CDCA7L: variants seen among roughly 807,000 people sequenced by gnomAD.
CDCA7L encodes the protein cell division cycle associated 7 like, also known as cell division cycle-associated 7-like protein.
In CDCA7L, 44 loss-of-function variants were observed where a neutral mutation model predicts 57.4. The ratio of observed to expected loss-of-function variants is 0.77; its 90% CI spans 0.60 to 0.98. The LOEUF is 0.98. Among genes scored for constraint, CDCA7L ranks in the 50% least tolerant of loss-of-function variants. CDCA7L has a pLI of 0.00. For synonymous variants in CDCA7L, 236 were observed against 202.8 expected (o/e 1.16, Z -1.39); for missense variants, 644 against 580.6 (o/e 1.11, Z -1.12).
intron 1 of CDCA7L, among the ~76,000 whole-genome samples, chr7:21,938,746 T>C (rs116673118): frequency 0.012 from 1,847 of 152,298 alleles, 40 homozygotes; most frequent in African/African-American, 0.042. Flanking sequence ...GTCTTATGCC[T>C]CTAATCCCAG....
In CDCA7L at chr7:21,923,524, G is replaced by C. The variant is rs568919984; in HGVS notation, c.25-6630C>G. On this transcript the variant is annotated intron_variant, in intron 1 of 9. Transcript: ENST00000406877. ...AGAGAAAAAGAAAAAAAGAAAAACCGGGGTAGAGGGGAATTTTTCCTTCCT... is the reference window on the plus strand; with the variant it reads ...AGAGAAAAAGAAAAAAAGAAAAACCCGGGTAGAGGGGAATTTTTCCTTCCT... Among the ~76,000 whole-genome samples, 4 of 152,066 alleles carry C rather than the reference G, an allele frequency of 2.6e-5. 1 individual carries two copies. Among genetic ancestry groups the C allele is most frequent in the Admixed American group, 2.6e-4 (4 of 15,254 alleles).
chr7:21,925,800 T>A (rs537419515), intron 1 of CDCA7L, among the ~76,000 whole-genome samples: 1 of 151,978 alleles, frequency 6.6e-6, no homozygotes, highest in African/African-American at 2.4e-5. Context: ...GGAGGGAGGA[T>A]TGATTGAGCC....
At chr7:21,922,071 C>G (rs375587971) in intron 1 of CDCA7L, among the ~76,000 whole-genome samples, 21 of 152,070 alleles carry the variant, frequency 1.4e-4, no homozygotes, top group African/African-American at 4.8e-4. Context: ...GACTTTGTAG[C>G]CATTTTCTTA....
Position 21,904,711 on chromosome 7 carries a change from T to C in CDCA7L, c.1048-452A>G, listed in dbSNP as rs557002484. Among the ~76,000 whole-genome samples the C allele has an allele frequency of 1.5e-4, 23 of 152,318 alleles. No homozygotes were observed. In the South Asian group the frequency reaches 4.8e-3, roughly 32 times the overall value. On this transcript the variant is annotated intron_variant, in intron 7 of 9. Coordinates refer to ENST00000406877, the MANE Select transcript of CDCA7L (RefSeq NM_018719.5). ...CCCCCAAATCCATGGAAAAACTGTC[T>C]TTCACAAAACCAGTCCCTGGTGCCA... is the stretch of plus-strand genomic sequence containing the variant.
chr7:21,935,105 T>A (rs897033063), intron 1 of CDCA7L, among the ~76,000 whole-genome samples: 2 of 152,172 alleles, frequency 1.3e-5, no homozygotes, highest in African/African-American at 4.8e-5. Context: ...TTTTCTCAAG[T>A]ACTTACAGAA....
rs1273182694 is a variant in CDCA7L at position 21,908,649 on chromosome 7, A to G, written c.304-142T>C. 3 of 923,792 alleles carry G rather than the reference A, an allele frequency of 3.2e-6. No individual in the cohort carries two copies. The East Asian group carries it at 8.6e-5, about 26-fold the overall frequency. 57.2% of individuals were successfully genotyped at this position (923,792 alleles called of 1,614,324 possible). A position where few individuals can be genotyped will look rare whatever the true frequency, so the allele number is the denominator to read the frequency against. ...CCCTTCATATTATGAGTTCCCTCTGAATTTCCTTTAAATGTGCAAGAAATT... is the reference window on the plus strand; with the variant it reads ...CCCTTCATATTATGAGTTCCCTCTGGATTTCCTTTAAATGTGCAAGAAATT... On this transcript the variant is annotated intron_variant, in intron 3 of 9. Transcript: ENST00000406877.
At chr7:21,931,596 C>T (rs1009256075) in intron 1 of CDCA7L, among the ~76,000 whole-genome samples, 1 of 152,290 alleles carries the variant, frequency 6.6e-6, no homozygotes, top group Non-Finnish European at 1.5e-5. Flanking sequence ...GCTAAAAACT[C>T]TCAGTAAACG....
intron 1 of CDCA7L, among the ~76,000 whole-genome samples, chr7:21,943,714 A>G: frequency 6.6e-6 from 1 of 151,882 alleles, no homozygotes; most frequent in East Asian, 1.9e-4. Context: ...ACTGCCAATT[A>G]GGTCTTCAGA....
At chr7:21,908,762 A>G (rs1441270312) in intron 3 of CDCA7L, among the ~76,000 whole-genome samples, 1 of 152,218 alleles carries the variant, frequency 6.6e-6, no homozygotes, top group Non-Finnish European at 1.5e-5. Context: ...CATTCAGAGC[A>G]TGAGGGCTGT....
intron 1 of CDCA7L, among the ~76,000 whole-genome samples, chr7:21,925,392 G>A (rs916206710): frequency 1.3e-5 from 2 of 152,178 alleles, no homozygotes; most frequent in African/African-American, 2.4e-5. Flanking sequence ...GGTGTGAGGA[G>A]ACAAACACTT....
intron 1 of CDCA7L, among the ~76,000 whole-genome samples, chr7:21,931,654 A>G (rs529092113): frequency 2.6e-5 from 4 of 152,216 alleles, no homozygotes; most frequent in Admixed American, 6.5e-5. Context: ...ATTTATGACA[A>G]ACCCACAGCC....
chr7:21,912,623 C>T (rs909544348), intron 2 of CDCA7L, among the ~76,000 whole-genome samples: 3 of 152,156 alleles, frequency 2.0e-5, no homozygotes, highest in African/African-American at 7.2e-5. Flanking sequence ...TCACCAACAG[C>T]GAGCTTCTCT....
chr7:21,905,023 A>G (rs1176862252), intron 7 of CDCA7L, among the ~76,000 whole-genome samples: 1 of 152,168 alleles, frequency 6.6e-6, no homozygotes, highest in Non-Finnish European at 1.5e-5. Context: ...ATTGGCAACT[A>G]AATTTAAAAC....
Position 21,906,389 on chromosome 7 carries a change from C to T in CDCA7L, c.821G>A (p.Ser274Asn), listed in dbSNP as rs1216067523. 2.5e-6 allele frequency: 4 copies of T among 1,613,792 alleles called. No individual in the cohort carries two copies. The highest frequency in any genetic ancestry group is 1.1e-5 in the South Asian group (1 of 91,062). Reference protein sequence around the residue: ...QITRRMNPTRSARPPEKFALE... With the variant: ...QITRRMNPTRNARPPEKFALE... The stretch of plus-strand genomic sequence containing the variant: ...AGCAAACTTCTCAGGAGGCCGCGCA[C>T]TCCGGGTTGGGTTCATACGCCGCGT... Residue 274 changes from serine (S) to asparagine (N), a missense_variant, in exon 6 of 10, where the codon AGT becomes AAT. Transcript: ENST00000406877.
rs59373889 is a variant in CDCA7L, at chr7:21,944,449, C to CAAA, written c.24+1329_24+1331dup. On this transcript the variant is annotated intron_variant, in intron 1 of 9. Coordinates refer to ENST00000406877, the MANE Select transcript of CDCA7L (RefSeq NM_018719.5). ...CCGGACAAGAGCGAAACTCCGTCTC[C>CAAA]AAAAAAAAAAAAAAAAAAAAAAGGA... 3.2e-3 allele frequency among the ~76,000 whole-genome samples: 200 copies of CAAA among 61,604 alleles called. 6 individuals carry two copies. The highest frequency in any genetic ancestry group is 0.015 in the African/African-American group (164 of 11,142). The allele number at this position is 61,604 out of a possible 152,430, so 40.4% of individuals were successfully genotyped here.
intron 1 of CDCA7L, among the ~76,000 whole-genome samples, chr7:21,941,910 T>C (rs1786352509): frequency 6.6e-6 from 1 of 152,074 alleles, no homozygotes; most frequent in Non-Finnish European, 1.5e-5. Flanking sequence ...GCTCTTAAGG[T>C]CTCCCTCTAC....
intron 1 of CDCA7L, among the ~76,000 whole-genome samples, chr7:21,943,917 G>A (rs1165358779): frequency 6.6e-6 from 1 of 152,164 alleles, no homozygotes; most frequent in Non-Finnish European, 1.5e-5. Context: ...TGGGACTTCT[G>A]AGTTTCCTAA....
intron 1 of CDCA7L, among the ~76,000 whole-genome samples, chr7:21,934,058 A>C (rs1786092715): frequency 6.6e-6 from 1 of 152,178 alleles, no homozygotes; most frequent in Non-Finnish European, 1.5e-5. Flanking sequence ...GGAGTACTTC[A>C]CATTTACATG....
At chr7:21,928,974 C>T (rs957030749) in intron 1 of CDCA7L, among the ~76,000 whole-genome samples, 13 of 152,076 alleles carry the variant, frequency 8.5e-5, no homozygotes, top group East Asian at 3.9e-4. Context: ...AGATACTCCT[C>T]GAGAAGAGCA....
Sources: gnomAD v4.1 joint callset for allele counts (sites outside exome capture counted in the v4.1 genomes callset) on GRCh38, gnomAD v4.1.1 for gene constraint, MANE v1.5 for transcripts, NCBI Gene and HGNC (gene_info 2026-07-23, HGNC 2026-07-21) for gene names.